BRINP3: variants seen among roughly 807,000 people sequenced by gnomAD.
BRINP3 encodes the protein BMP/retinoic acid-inducible neural-specific protein 3.
In BRINP3, 19 loss-of-function variants were observed where a neutral mutation model predicts 71.0. The ratio of observed to expected loss-of-function variants is 0.27; its 90% CI spans 0.19 to 0.39. The LOEUF (loss-of-function observed/expected upper bound fraction) is 0.39. BRINP3 is among the 10% of genes least tolerant of loss of function. BRINP3 has a pLI of 1.00. For synonymous variants in BRINP3, 380 were observed against 337.7 expected, an observed-to-expected ratio of 1.13 and a Z score of -1.37; for missense variants, 959 against 940.8, an observed-to-expected ratio of 1.02 and a Z score of -0.25.
intron 2 of BRINP3, among the ~76,000 whole-genome samples, chr1:190,335,407 T>G (rs1046477896): frequency 2.0e-5 from 3 of 151,918 alleles, no homozygotes; most frequent in Admixed American, 2.0e-4. Context: ...TAGGATGATG[T>G]CTTTATTTTA....
At chr1:190,451,487 G>T (rs573690843) in intron 2 of BRINP3, among the ~76,000 whole-genome samples, 2 of 152,236 alleles carry the variant, frequency 1.3e-5, no homozygotes, top group East Asian at 1.9e-4. Flanking sequence ...TTACTAAGGC[G>T]CCAAGTGTCC....
At chr1:190,137,674 T>C (rs1655090479) in intron 7 of BRINP3, among the ~76,000 whole-genome samples, 1 of 152,124 alleles carries the variant, frequency 6.6e-6, no homozygotes, top group Non-Finnish European at 1.5e-5. Context: ...GATCTGGCAA[T>C]TAGATGGTCA....
intron 4 of BRINP3, among the ~76,000 whole-genome samples, chr1:190,260,545 C>T (rs1661096728): frequency 6.7e-6 from 1 of 150,362 alleles, no homozygotes; most frequent in African/African-American, 2.4e-5. Flanking sequence ...GTTTTAAAAA[C>T]ATATATATAT....
intron 2 of BRINP3, among the ~76,000 whole-genome samples, chr1:190,389,524 G>T (rs370779757): frequency 6.6e-6 from 1 of 151,716 alleles, no homozygotes; most frequent in African/African-American, 2.4e-5. Context: ...TATGTCCAAA[G>T]AACCACTATA....
chr1:190,451,197 A>G (rs560961841), intron 2 of BRINP3, among the ~76,000 whole-genome samples: 1 of 151,288 alleles, frequency 6.6e-6, no homozygotes, highest in Non-Finnish European at 1.5e-5. Flanking sequence ...GAAAAAAAAA[A>G]TTTTTGTTTT....
At chr1:190,263,878 G>A (rs559608770) in intron 4 of BRINP3, among the ~76,000 whole-genome samples, 3 of 152,174 alleles carry the variant, frequency 2.0e-5, no homozygotes, top group South Asian at 2.1e-4. Flanking sequence ...CTGAGCCACC[G>A]TGCCAGGCCT....
intron 2 of BRINP3, among the ~76,000 whole-genome samples, chr1:190,391,167 T>C (rs1671229287): frequency 6.6e-6 from 1 of 151,682 alleles, no homozygotes; most frequent in Non-Finnish European, 1.5e-5. Context: ...GAGATTATTT[T>C]ATCTGGAGCA....
intron 2 of BRINP3, among the ~76,000 whole-genome samples, chr1:190,309,204 T>G (rs900937718): frequency 1.3e-5 from 2 of 151,684 alleles, no homozygotes; most frequent in African/African-American, 4.8e-5. Flanking sequence ...AAAAAACTGC[T>G]AAAAATATTG....
At chr1:190,203,462 T>C (rs1259956545) in intron 6 of BRINP3, among the ~76,000 whole-genome samples, 8 of 139,324 alleles carry the variant, frequency 5.7e-5, no homozygotes, top group Non-Finnish European at 1.1e-4. Context: ...TATATATATA[T>C]GTGTGTGTGT....
intron 3 of BRINP3, 99 bp downstream of exon 3, chr1:190,281,461 T>C: frequency 8.9e-7 from 1 of 1,117,900 alleles, no homozygotes; most frequent in Non-Finnish European, 1.3e-6. Flanking sequence ...TCTATAACTA[T>C]TCATACTGTA....
At chr1:190,298,977 C>T (rs510498) in intron 2 of BRINP3, among the ~76,000 whole-genome samples, 124,903 of 152,030 alleles carry the variant, frequency 0.82, 51,452 homozygotes, top group Middle Eastern at 0.93. Context: ...CAATATCCTG[C>T]AGCCCAGTTG....
chr1:190,244,336 T>C (rs770310118), intron 4 of BRINP3, among the ~76,000 whole-genome samples: 9 of 152,052 alleles, frequency 5.9e-5, no homozygotes, highest in Non-Finnish European at 1.2e-4. Context: ...AATTCCTACT[T>C]CCTACTCTAT....
At chr1:190,320,979 G>T (rs562091707) in intron 2 of BRINP3, among the ~76,000 whole-genome samples, 92 of 151,962 alleles carry the variant, frequency 6.1e-4, no homozygotes, top group Non-Finnish European at 8.8e-4. Flanking sequence ...ACACACACAC[G>T]TATGTATATG....
At chr1:190,345,764 T>A (rs1158894670) in intron 2 of BRINP3, among the ~76,000 whole-genome samples, 1 of 150,356 alleles carries the variant, frequency 6.7e-6, no homozygotes, top group Non-Finnish European at 1.5e-5. Context: ...GAACTCCTTA[T>A]TAATTGTCTT....
At chr1:190,290,932 G>A (rs960728870) in intron 2 of BRINP3, among the ~76,000 whole-genome samples, 17 of 151,342 alleles carry the variant, frequency 1.1e-4, no homozygotes, top group African/African-American at 3.6e-4. Context: ...TGTATTTGTG[G>A]GAAGCATGGA....
At chr1:190,197,829 T>A (rs1654628033) in intron 6 of BRINP3, among the ~76,000 whole-genome samples, 1 of 152,092 alleles carries the variant, frequency 6.6e-6, no homozygotes, top group African/African-American at 2.4e-5. Context: ...GAGGACTGTA[T>A]CCCTTTTCTC....
chr1:190,387,243 T>G (rs563318190), intron 2 of BRINP3, among the ~76,000 whole-genome samples: 1 of 152,132 alleles, frequency 6.6e-6, no homozygotes, highest in East Asian at 1.9e-4. Flanking sequence ...TGAAAATTTT[T>G]GGATATAATT....
At chr1:190,383,023 T>C (rs773392430) in intron 2 of BRINP3, among the ~76,000 whole-genome samples, 1 of 152,152 alleles carries the variant, frequency 6.6e-6, no homozygotes, top group Non-Finnish European at 1.5e-5. Context: ...GTCTTCACAG[T>C]GGTGCAGGTG....
intron 2 of BRINP3, among the ~76,000 whole-genome samples, chr1:190,406,470 T>A (rs1467699521): frequency 6.6e-6 from 1 of 152,222 alleles, no homozygotes; most frequent in African/African-American, 2.4e-5. Flanking sequence ...TCCTGACAGA[T>A]CAGATTTCAA....
Sources: allele counts gnomAD v4.1 joint callset (sites outside exome capture counted in the v4.1 genomes callset), GRCh38; gene constraint gnomAD v4.1.1; transcripts MANE v1.5; gene names NCBI Gene and HGNC (gene_info 2026-07-23, HGNC 2026-07-21).